MPHOSPH9: variants seen among roughly 807,000 people sequenced by gnomAD.
MPHOSPH9 encodes M-phase phosphoprotein 9.
In MPHOSPH9, 88 loss-of-function variants were observed where a neutral mutation model predicts 145.5. The ratio of observed to expected loss-of-function variants is 0.60; its 90% confidence interval spans 0.51 to 0.72. The LOEUF (loss-of-function observed/expected upper bound fraction) is 0.72. Ranked by LOEUF, MPHOSPH9 falls within the 30% of genes least tolerant of loss-of-function variation. The pLI, the probability that MPHOSPH9 is intolerant of heterozygous loss-of-function variation, is 0.00. For synonymous variants in MPHOSPH9, 435 were observed against 486.2 expected, an observed-to-expected ratio of 0.89 and a Z score of 1.39; for missense variants, 1,238 against 1,386.6, an observed-to-expected ratio of 0.89 and a Z score of 1.70.
In MPHOSPH9 at chr12:123,202,861, G is replaced by A. The variant is rs1380245455; in HGVS notation, c.1544C>T (p.Ala515Val). ...ATTTTTCCAAGAGTCCACCGGAGAAGCTTTTGTGTGTGAGGGATATTTTGG... is the reference window on the plus strand; with the variant it reads ...ATTTTTCCAAGAGTCCACCGGAGAAACTTTTGTGTGTGAGGGATATTTTGG... Reference protein sequence around the residue: ...GFPKYPSHTKASPVDSWKNQT... With the variant: ...GFPKYPSHTKVSPVDSWKNQT... Residue 515 changes from alanine to valine, a missense_variant, in exon 10 of 24, where the codon GCT becomes GTT. By Grantham distance (64) the Ala-to-Val change is moderately conservative. Around this residue, in one of 3 missense-constraint regions of MPHOSPH9, gnomAD observed 837 missense variants for 897.5 expected, o/e 0.93. Transcript: ENST00000606320. The A allele has an allele frequency of 6.2e-7, 1 of 1,614,062 alleles. No homozygotes were observed. The highest frequency in any genetic ancestry group is 1.3e-5 in the African/African-American group (1 of 74,934).
chr12:123,187,260 CA>C (rs1565925035), intron 13 of MPHOSPH9, among the ~76,000 whole-genome samples: 1 of 146,172 alleles, frequency 6.8e-6, no homozygotes, highest in Admixed American at 6.9e-5. Flanking sequence ...AACTCTGTCT[CA>C]AAAAAAAAGA....
chr12:123,194,858 G>A (rs1240933551), intron 12 of MPHOSPH9, among the ~76,000 whole-genome samples: 1 of 151,886 alleles, frequency 6.6e-6, no homozygotes, highest in Non-Finnish European at 1.5e-5. Flanking sequence ...CTGACCTCAA[G>A]TAATCCACAG....
At chr12:123,215,402 G>A (rs1253037146) in intron 6 of MPHOSPH9, among the ~76,000 whole-genome samples, 4 of 151,786 alleles carry the variant, frequency 2.6e-5, no homozygotes, top group East Asian at 1.9e-4. Context: ...GTATTATTTC[G>A]TGAGTTCAGA....
At chr12:123,202,555 A>G (rs1182165655) in intron 10 of MPHOSPH9, 69 bp downstream of exon 10, 1 of 1,439,016 alleles carries the variant, frequency 6.9e-7, no homozygotes, top group Non-Finnish European at 9.4e-7. Context: ...GAAGTTCAAT[A>G]AAGATCATTT....
chr12:123,217,437 T>C (rs924009399), intron 6 of MPHOSPH9, among the ~76,000 whole-genome samples: 2 of 152,070 alleles, frequency 1.3e-5, no homozygotes, highest in African/African-American at 4.8e-5. Flanking sequence ...GACCTCGTGA[T>C]CTGCCCACCC....
At chr12:123,197,090 G>C (rs77015199) in intron 12 of MPHOSPH9, among the ~76,000 whole-genome samples, 6,667 of 145,718 alleles carry the variant, frequency 0.046, 292 homozygotes, top group East Asian at 0.26. Context: ...GATTGTGGTG[G>C]TGGTTGCCCA....
In MPHOSPH9 at chr12:123,223,060, TC is replaced by T; in HGVS notation, c.325del (p.Glu109SerfsTer14). 1 of 1,517,042 alleles carries T rather than the reference TC, an allele frequency of 6.6e-7. No homozygotes were observed. The highest frequency in any genetic ancestry group is 8.8e-7 in the Non-Finnish European group (1 of 1,138,304). 94.0% of individuals were successfully genotyped at this position (1,517,042 alleles called of 1,614,324 possible). On this transcript the variant is annotated frameshift_variant, in exon 4 of 24. Coordinates refer to ENST00000606320, the MANE Select transcript of MPHOSPH9 (RefSeq NM_022782.4). LOFTEE classifies it high-confidence loss of function. The stretch of plus-strand genomic sequence containing the variant: ...TACTTGAATTTGGTTGTGGAACTGC[TC>T]CTGCTGGGCAACTATCTGTTCTTGG... ...QCQEQIVAQQEQFHNQIQHIQ... is the reference protein window; with the variant it reads ...QCQEQIVAQQXQFHNQIQHIQ...
Position 123,183,563 on chromosome 12 carries a change from A to AAG in MPHOSPH9, c.2242-2354_2242-2353insCT, listed in dbSNP as rs1280267859. On this transcript the variant is annotated intron_variant, in intron 13 of 23. Transcript: ENST00000606320. The stretch of plus-strand genomic sequence containing the variant: ...ACTCTGTCTCAAAAAAAAAAAAAAA[A>AAG]AAAAAAAGAAAAAGGAAAAAAGTGC... Among the ~76,000 whole-genome samples the AAG allele has an allele frequency of 3.6e-4, 54 of 151,164 alleles. 1 individual carries two copies. The highest frequency in any genetic ancestry group is 2.2e-3 in the Admixed American group (33 of 15,118).
chr12:123,182,249 G>GGT (rs377288632), intron 13 of MPHOSPH9, among the ~76,000 whole-genome samples: 31 of 137,272 alleles, frequency 2.3e-4, no homozygotes, highest in East Asian at 8.7e-4. Context: ...TTTTTTTTGT[G>GGT]TTTTTTTTTT....
In MPHOSPH9 at chr12:123,154,236, T is replaced by TTTTTTTTTTTTTTTTTTTTC. The variant is rs2043820402; in HGVS notation, c.*2570_*2571insGAAAAAAAAAAAAAAAAAAA. On this transcript the variant is annotated 3_prime_UTR_variant, in exon 24 of 24. Transcript: ENST00000606320. ...AGGGTTTTTTTTTTTTTTTTCTTTT[T>TTTTTTTTTTTTTTTTTTTTC]AAACTATTAATACCTGCAGCAAAGC... is the stretch of plus-strand genomic sequence containing the variant. 1 of 151,210 alleles carries TTTTTTTTTTTTTTTTTTTTC rather than the reference T, an allele frequency of 6.6e-6. No individual in the cohort carries two copies. 9.4% of individuals were successfully genotyped at this position (151,210 alleles called of 1,614,324 possible).
At chr12:123,173,416 C>T (rs1229256653) in intron 16 of MPHOSPH9, among the ~76,000 whole-genome samples, 1 of 152,154 alleles carries the variant, frequency 6.6e-6, no homozygotes, top group Non-Finnish European at 1.5e-5. Context: ...CTTCCTTTTA[C>T]CTTACCAGGG....
At position 123,169,865 on chromosome 12, in the gene MPHOSPH9, C is replaced by A. The variant is rs1433719068; in HGVS notation, c.2457-3076G>T. 4.0e-5 allele frequency among the ~76,000 whole-genome samples: 6 copies of A among 151,820 alleles called. No individual in the cohort carries two copies. In the East Asian group the frequency reaches 1.2e-3, roughly 30 times the overall value. ...TTGGCCTCCCAAAGTGCTGGGATTA[C>A]AGGTGTGAGCCACGTGCCCAGCCCG... On this transcript the variant is annotated intron_variant, in intron 16 of 23. Transcript: ENST00000606320.
upstream of MPHOSPH9, among the ~76,000 whole-genome samples, chr12:123,235,516 CA>C (rs1287379252): frequency 6.6e-6 from 1 of 151,758 alleles, no homozygotes; most frequent in Non-Finnish European, 1.5e-5. Context: ...AGGTGCCTGC[CA>C]CCAGGCCCAG....
upstream of MPHOSPH9, among the ~76,000 whole-genome samples, chr12:123,236,659 G>C (rs934519523): frequency 6.6e-6 from 1 of 152,036 alleles, no homozygotes; most frequent in Non-Finnish European, 1.5e-5. Flanking sequence ...CAAACACAAG[G>C]CATCGTTAAT....
intron 16 of MPHOSPH9, among the ~76,000 whole-genome samples, chr12:123,175,254 C>A (rs2044791328): frequency 6.6e-6 from 1 of 151,932 alleles, no homozygotes; most frequent in Non-Finnish European, 1.5e-5. Context: ...GGGTTCACAC[C>A]ATTCTCCTGC....
intron 7 of MPHOSPH9, among the ~76,000 whole-genome samples, chr12:123,210,757 T>C (rs2046667164): frequency 6.6e-6 from 1 of 151,908 alleles, no homozygotes; most frequent in Non-Finnish European, 1.5e-5. Flanking sequence ...GGGTCTCACT[T>C]TGTCACCCAG....
Position 123,163,125 on chromosome 12 carries a change from T to G in MPHOSPH9, c.2918A>C (p.Glu973Ala). 6.3e-7 allele frequency: 1 copy of G among 1,579,960 alleles called. No individual in the cohort carries two copies. Among genetic ancestry groups the G allele is most frequent in the Non-Finnish European group, 8.6e-7 (1 of 1,169,514 alleles). ...CACAGTCACTGGTGTTAGCATAATCTCTCTTTTTGCTATAGAAGAAAATGA... is the reference window on the plus strand; with the variant it reads ...CACAGTCACTGGTGTTAGCATAATCGCTCTTTTTGCTATAGAAGAAAATGA... ...NRKSSTPTKR[E>A]IMLTPVTVAY... The change falls in exon 20 of 24, where the codon GAG (glutamate) becomes GCG (alanine). Residue 973 changes from glutamate (E) to alanine (A), a missense_variant. By Grantham distance (107) the Glu-to-Ala change is moderately radical. This residue lies in a region of MPHOSPH9 where 393 missense variants were observed against 462.5 expected (regional missense o/e 0.85). Transcript: ENST00000606320.
In MPHOSPH9 at chr12:123,223,147, T is replaced by A; in HGVS notation, c.259-20A>T. On this transcript the variant is annotated intron_variant, in intron 3 of 23. Transcript: ENST00000606320. ...CCTGGTCTATTAAATTATAAAATATTTTAGTTAAAAATAATTTTTTGACTT... is the reference window on the plus strand; with the variant it reads ...CCTGGTCTATTAAATTATAAAATATATTAGTTAAAAATAATTTTTTGACTT... 1 of 1,301,180 alleles carries A rather than the reference T, an allele frequency of 7.7e-7. No homozygotes were observed. Among genetic ancestry groups the A allele is most frequent in the Non-Finnish European group, 9.8e-7 (1 of 1,015,482 alleles). The allele number at this position is 1,301,180 out of a possible 1,614,324, so 80.6% of individuals were successfully genotyped here.
At chr12:123,208,219 T>A (rs925858907) in intron 8 of MPHOSPH9, among the ~76,000 whole-genome samples, 1 of 147,246 alleles carries the variant, frequency 6.8e-6, no homozygotes. Flanking sequence ...ATTTTTTTTT[T>A]AAATGTACCT....
Sources: gnomAD v4.1 joint callset for allele counts (sites outside exome capture counted in the v4.1 genomes callset) on GRCh38, gnomAD v4.1.1 for gene constraint, gnomAD v4.1.1 regional missense constraint, MANE v1.5 for transcripts, NCBI Gene and HGNC (gene_info 2026-07-23, HGNC 2026-07-21) for gene names.